Variants in DGKI observed in about 807,000 individuals in gnomAD.
The protein encoded by DGKI is DAG kinase iota.
Under a neutral mutation model 147.5 loss-of-function variants are expected in DGKI, and 55 were observed. The observed-to-expected ratio is 0.37, with a 90% CI of 0.30 to 0.47. The LOEUF (loss-of-function observed/expected upper bound fraction) is 0.47, where lower values mean the gene tolerates loss of function less well. DGKI is among the 20% of genes least tolerant of loss of function. The pLI is 1.00. For missense variants in DGKI, 1,007 were observed against 1,323.8 expected (o/e 0.76, Z 3.71); for synonymous variants, 469 against 477.1 (o/e 0.98, Z 0.22).
chr7:137,435,427 G>A (rs1585113174), intron 28 of DGKI, among the ~76,000 whole-genome samples: 1 of 152,156 alleles, frequency 6.6e-6, no homozygotes, highest in East Asian at 1.9e-4. Context: ...GAAGGACAAT[G>A]AAGGTGCCTG....
intron 23 of DGKI, among the ~76,000 whole-genome samples, chr7:137,483,551 G>A (rs1473274826): frequency 1.3e-5 from 2 of 152,002 alleles, no homozygotes; most frequent in East Asian, 1.9e-4. Context: ...CATACCCTAG[G>A]TATTAAAACC....
At chr7:137,682,417 CAT>C (rs1321729626) in intron 2 of DGKI, among the ~76,000 whole-genome samples, 1 of 152,134 alleles carries the variant, frequency 6.6e-6, no homozygotes, top group African/African-American at 2.4e-5. Flanking sequence ...TCATCAGTCA[CAT>C]AAAAATCACT....
At chr7:137,430,045 C>T (rs1812996979) in intron 28 of DGKI, among the ~76,000 whole-genome samples, 1 of 115,108 alleles carries the variant, frequency 8.7e-6, no homozygotes, top group Non-Finnish European at 1.8e-5. Context: ...CCAGCCATCC[C>T]ATTACTGGGT....
intron 3 of DGKI, among the ~76,000 whole-genome samples, chr7:137,661,418 G>C (rs1372143242): frequency 2.0e-5 from 3 of 152,102 alleles, no homozygotes; most frequent in Admixed American, 6.5e-5. Context: ...CCAGGAAAGG[G>C]GCTTCAGGCA....
chr7:137,587,997 T>C (rs1203561021), intron 12 of DGKI, among the ~76,000 whole-genome samples: 6 of 152,196 alleles, frequency 3.9e-5, no homozygotes, highest in Non-Finnish European at 7.3e-5. Flanking sequence ...AAAAAGGAGT[T>C]TGAATGTCCT....
chr7:137,789,307 A>G (rs1441543169), intron 1 of DGKI, among the ~76,000 whole-genome samples: 2 of 151,744 alleles, frequency 1.3e-5, no homozygotes, highest in African/African-American at 4.9e-5. Flanking sequence ...AGGTTTTTTT[A>G]AAAAAAATAA....
chr7:137,652,329 T>C (rs966742236), intron 5 of DGKI, among the ~76,000 whole-genome samples: 5 of 152,054 alleles, frequency 3.3e-5, no homozygotes, highest in African/African-American at 9.7e-5. Flanking sequence ...ATTAGAAAAA[T>C]TGCACGATTA....
chr7:137,633,981 C>A (rs1050497516), intron 6 of DGKI, among the ~76,000 whole-genome samples: 1 of 152,152 alleles, frequency 6.6e-6, no homozygotes, highest in African/African-American at 2.4e-5. Flanking sequence ...CATCAGAGGT[C>A]CTGGTGAGAA....
At chr7:137,736,333 A>G (rs1391610424) in intron 1 of DGKI, among the ~76,000 whole-genome samples, 1 of 152,100 alleles carries the variant, frequency 6.6e-6, no homozygotes, top group Non-Finnish European at 1.5e-5. Context: ...ATCTTATTGT[A>G]AGGCTAATGT....
At chr7:137,728,436 C>G (rs917151279) in intron 1 of DGKI, among the ~76,000 whole-genome samples, 1 of 152,174 alleles carries the variant, frequency 6.6e-6, no homozygotes, top group African/African-American at 2.4e-5. Context: ...GGGACTTAAA[C>G]TTTCAGTCTG....
chr7:137,695,169 G>A (rs1563154419), intron 1 of DGKI, among the ~76,000 whole-genome samples: 1 of 152,216 alleles, frequency 6.6e-6, no homozygotes, highest in Non-Finnish European at 1.5e-5. Flanking sequence ...GTTTAAGAAT[G>A]AGTCCATTCA....
intron 20 of DGKI, among the ~76,000 whole-genome samples, chr7:137,532,633 A>C (rs1178814857): frequency 6.6e-6 from 1 of 152,102 alleles, no homozygotes; most frequent in East Asian, 1.9e-4. Context: ...TCCTATTAGT[A>C]GCTCAGATGT....
chr7:137,668,685 A>T (rs1436316626), intron 3 of DGKI, among the ~76,000 whole-genome samples: 4 of 152,206 alleles, frequency 2.6e-5, no homozygotes, highest in Non-Finnish European at 4.4e-5. Flanking sequence ...AATTTTTAAA[A>T]GTATGATAGC....
chr7:137,597,857 C>A lies in DGKI; in HGVS notation c.1301G>T (p.Gly434Val). Residue 434 changes from glycine to valine, a missense_variant, in exon 12 of 33, where the codon GGG (glycine) becomes GTG (valine). Around this residue, in one of 5 missense-constraint regions of DGKI, gnomAD observed 224 missense variants for 382.7 expected, o/e 0.59. Coordinates refer to ENST00000614521, the MANE Select transcript of DGKI (RefSeq NM_001321708.2). ...VPNLRILACG[G>V]DGTVGWILSI... ...CTCTCAGGGACCTACCGTTCCATCCCCACCACAGGCCAGAATTCGCAGATT... is the reference window on the plus strand; with the variant it reads ...CTCTCAGGGACCTACCGTTCCATCCACACCACAGGCCAGAATTCGCAGATT... 6.2e-7 allele frequency: 1 copy of A among 1,613,914 alleles called. No homozygotes were observed. Among genetic ancestry groups the A allele is most frequent in the Non-Finnish European group, 8.5e-7 (1 of 1,179,878 alleles).
intron 6 of DGKI, among the ~76,000 whole-genome samples, chr7:137,631,242 A>G (rs1327211000): frequency 6.6e-6 from 1 of 152,242 alleles, no homozygotes; most frequent in African/African-American, 2.4e-5. Flanking sequence ...TAGTTCCCAG[A>G]CAACTGAGAA....
At chr7:137,675,131 A>T (rs1822985708) in intron 3 of DGKI, among the ~76,000 whole-genome samples, 1 of 152,214 alleles carries the variant, frequency 6.6e-6, no homozygotes, top group Non-Finnish European at 1.5e-5. Flanking sequence ...AACTGCAAAC[A>T]GAGCATTTAA....
At chr7:137,753,545 G>C (rs901256862) in intron 1 of DGKI, among the ~76,000 whole-genome samples, 4 of 152,220 alleles carry the variant, frequency 2.6e-5, no homozygotes, top group African/African-American at 9.6e-5. Flanking sequence ...GTGGGAGCAG[G>C]AGGAGGGGAG....
chr7:137,410,354 GAGATCGTGCCAC>G (rs1316632517), intron 29 of DGKI, among the ~76,000 whole-genome samples: 5 of 152,150 alleles, frequency 3.3e-5, no homozygotes, highest in African/African-American at 1.2e-4. Flanking sequence ...GCAGTGAGCC[GAGATCGTGCCAC>G]TGCACTCCAG....
intron 1 of DGKI, among the ~76,000 whole-genome samples, chr7:137,769,498 G>A (rs986754796): frequency 6.6e-6 from 1 of 152,168 alleles, no homozygotes; most frequent in African/African-American, 2.4e-5. Flanking sequence ...AAACTAAACA[G>A]CTTCTGCACA....
Sources: allele counts gnomAD v4.1 joint callset (sites outside exome capture counted in the v4.1 genomes callset), GRCh38; gene constraint gnomAD v4.1.1; regional missense constraint gnomAD v4.1.1; transcripts MANE v1.5; gene names NCBI Gene and HGNC (gene_info 2026-07-23, HGNC 2026-07-21).